Variants in NR2F1-AS1 observed in about 807,000 individuals in gnomAD.
NR2F1-AS1 encodes the protein NR2F1 antisense RNA 1.
chr5:93,440,143 A>C (rs1350130609), intron 4 of NR2F1-AS1, among the ~76,000 whole-genome samples: 1 of 152,114 alleles, frequency 6.6e-6, no homozygotes, highest in Non-Finnish European at 1.5e-5. Flanking sequence ...ATCTCCACCC[A>C]CATTCTCTCT....
chr5:93,456,677 G>A (rs1280118604), intron 4 of NR2F1-AS1, among the ~76,000 whole-genome samples: 1 of 149,212 alleles, frequency 6.7e-6, no homozygotes, highest in Non-Finnish European at 1.5e-5. Context: ...TTTTTTAATA[G>A]AGAAAGAAAA....
At chr5:93,568,037 C>T (rs1480226659) in intron 1 of NR2F1-AS1, among the ~76,000 whole-genome samples, 1 of 152,132 alleles carries the variant, frequency 6.6e-6, no homozygotes, top group Non-Finnish European at 1.5e-5. Context: ...TGACTAATTC[C>T]TGGTACACCA....
chr5:93,528,610 C>T (rs778771350), intron 4 of NR2F1-AS1, among the ~76,000 whole-genome samples: 35 of 152,032 alleles, frequency 2.3e-4, no homozygotes, highest in African/African-American at 6.3e-4. Flanking sequence ...ATATGTTTAT[C>T]GCAGCACTAT....
chr5:93,463,853 C>G (rs1199487726), intron 4 of NR2F1-AS1, among the ~76,000 whole-genome samples: 1 of 152,122 alleles, frequency 6.6e-6, no homozygotes, highest in Non-Finnish European at 1.5e-5. Flanking sequence ...ATGCTGGTAC[C>G]CCCATTGGAT....
At chr5:93,562,192 A>T (rs1022783057) in intron 2 of NR2F1-AS1, among the ~76,000 whole-genome samples, 4 of 150,614 alleles carry the variant, frequency 2.7e-5, no homozygotes, top group African/African-American at 9.8e-5. Flanking sequence ...ACAAAAAAAA[A>T]AAAAAAAGAA....
chr5:93,422,225 A>G (rs751519201), intron 4 of NR2F1-AS1: 2 of 152,086 alleles, frequency 1.3e-5, no homozygotes, highest in African/African-American at 2.4e-5. Flanking sequence ...ACGACCCCCT[A>G]TTTTTCCCAT....
At chr5:93,433,013 T>C (rs1194807046) in intron 4 of NR2F1-AS1, among the ~76,000 whole-genome samples, 3 of 152,216 alleles carry the variant, frequency 2.0e-5, no homozygotes, top group Non-Finnish European at 4.4e-5. Context: ...TTCTTGTTCA[T>C]TTTGATATAT....
chr5:93,511,742 T>C (rs1449967774), intron 4 of NR2F1-AS1, among the ~76,000 whole-genome samples: 1 of 152,160 alleles, frequency 6.6e-6, no homozygotes, highest in Non-Finnish European at 1.5e-5. Flanking sequence ...CTCCACCTCC[T>C]GTCATATCAG....
At chr5:93,469,097 T>C (rs914223201) in intron 4 of NR2F1-AS1, among the ~76,000 whole-genome samples, 1 of 152,186 alleles carries the variant, frequency 6.6e-6, no homozygotes, top group Non-Finnish European at 1.5e-5. Context: ...AAGCTTATTT[T>C]TGATACTCTC....
intron 2 of NR2F1-AS1, among the ~76,000 whole-genome samples, chr5:93,556,904 A>G (rs1752369797): frequency 1.3e-5 from 2 of 152,192 alleles, no homozygotes; most frequent in African/African-American, 4.8e-5. Flanking sequence ...AAATAACACA[A>G]CTACTAAGGG....
chr5:93,410,958 G>A (rs991946825), intron 4 of NR2F1-AS1: 3 of 152,194 alleles, frequency 2.0e-5, no homozygotes, highest in African/African-American at 7.2e-5. Flanking sequence ...GAGTTGCCAT[G>A]TTAGGAGTTT....
At position 93,423,031 on chromosome 5, in the gene NR2F1-AS1, T is replaced by A. The variant is rs1421378351; in HGVS notation, n.639-27489A>T. The A allele has an allele frequency of 3.9e-5, 6 of 152,154 alleles. No homozygotes were observed. The East Asian group carries it at 1.2e-3, about 29-fold the overall frequency. The allele number at this position is 152,154 out of a possible 1,614,324, so 9.4% of individuals were successfully genotyped here. A position where few individuals can be genotyped will look rare whatever the true frequency, so the allele number is the denominator to read the frequency against. On this transcript the variant is annotated intron_variant and non_coding_transcript_variant, in intron 4 of 5. Coordinates refer to ENST00000660523, the Ensembl canonical transcript of NR2F1-AS1. ...ATTCCTTCCGGAAAAGCTGGGTCTTTACTTGCTCATTTCCTATGATGTGTT... is the reference window on the plus strand; with the variant it reads ...ATTCCTTCCGGAAAAGCTGGGTCTTAACTTGCTCATTTCCTATGATGTGTT...
chr5:93,543,660 A>C (rs923222960), intron 4 of NR2F1-AS1: 1 of 152,196 alleles, frequency 6.6e-6, no homozygotes, highest in Non-Finnish European at 1.5e-5. Context: ...TTGTGGAAGC[A>C]AACTCATATT....
At chr5:93,464,066 T>C (rs1260854354) in intron 4 of NR2F1-AS1, among the ~76,000 whole-genome samples, 1 of 152,142 alleles carries the variant, frequency 6.6e-6, no homozygotes, top group Non-Finnish European at 1.5e-5. Flanking sequence ...AATGATATGG[T>C]TTGGCTGTGT....
At chr5:93,559,743 G>C (rs1348880724) in intron 2 of NR2F1-AS1, among the ~76,000 whole-genome samples, 1 of 152,220 alleles carries the variant, frequency 6.6e-6, no homozygotes, top group Non-Finnish European at 1.5e-5. Flanking sequence ...GATCAGTGGA[G>C]CAGTCAGAAT....
chr5:93,418,071 C>A (rs1749005124), intron 4 of NR2F1-AS1, among the ~76,000 whole-genome samples: 2 of 152,166 alleles, frequency 1.3e-5, no homozygotes, highest in African/African-American at 4.8e-5. Context: ...GGGACACAAG[C>A]AAAGCAATCC....
chr5:93,484,022 A>T (rs1174509000), intron 4 of NR2F1-AS1, among the ~76,000 whole-genome samples: 1 of 152,236 alleles, frequency 6.6e-6, no homozygotes, highest in East Asian at 1.9e-4. Context: ...GTTGGAAAAC[A>T]TGCTTCAGGA....
chr5:93,460,341 G>T (rs1028453756), intron 4 of NR2F1-AS1, among the ~76,000 whole-genome samples: 2 of 152,126 alleles, frequency 1.3e-5, no homozygotes, highest in African/African-American at 4.8e-5. Context: ...CACCGGGAAG[G>T]CTTAAACAAA....
At chr5:93,413,932 G>C (rs17083155) in intron 4 of NR2F1-AS1, among the ~76,000 whole-genome samples, 1 of 151,998 alleles carries the variant, frequency 6.6e-6, no homozygotes, top group Non-Finnish European at 1.5e-5. Context: ...CTGAGTCTGA[G>C]ATCTTTTTGA....
Sources: gnomAD v4.1 joint callset for allele counts (sites outside exome capture counted in the v4.1 genomes callset) on GRCh38, gnomAD v4.1.1 for gene constraint, MANE v1.5 for transcripts, NCBI Gene and HGNC (gene_info 2026-07-23, HGNC 2026-07-21) for gene names.